The following DIABLO variants were observed in gnomAD, a reference collection of about 807,000 sequenced individuals.
DIABLO encodes the protein diablo IAP-binding mitochondrial protein.
A neutral mutation model predicts 31.7 loss-of-function variants in DIABLO; 32 were observed. The observed-to-expected ratio is 1.01, with a 90% confidence interval of 0.76 to 1.35. The LOEUF is 1.35. Ranked by LOEUF, DIABLO falls within the 40% of genes most tolerant of loss-of-function variation. The pLI, the probability that DIABLO is intolerant of heterozygous loss-of-function variation, is 0.00. For synonymous variants in DIABLO, 132 were observed against 103.2 expected (o/e 1.28, Z -1.69); for missense variants, 316 against 286.4 (o/e 1.10, Z -0.75).
chr12:122,224,642 T>A lies in DIABLO; in HGVS notation c.53A>T (p.Tyr18Phe). The A allele has an allele frequency of 6.2e-7, 1 of 1,614,184 alleles. No homozygotes were observed. The highest frequency in any genetic ancestry group is 8.5e-7 in the Non-Finnish European group (1 of 1,180,034). Reference protein sequence around the residue: ...LSRSVTSFFRYRQCLCVPVVA... With the variant: ...LSRSVTSFFRFRQCLCVPVVA... ...AACAGGAACACACAAACACTGTCTG[T>A]ACCTGGAAGTAGAAGTCAGATTTCA... The change falls in exon 2 of 6, where the codon TAC (tyrosine) becomes TTC (phenylalanine). Residue 18 changes from tyrosine (Y) to phenylalanine (F), a missense_variant and splice_region_variant. Transcript: ENST00000464942.
intron 5 of DIABLO, among the ~76,000 whole-genome samples, chr12:122,212,405 T>A (rs918704431): frequency 1.3e-5 from 2 of 152,158 alleles, no homozygotes; most frequent in Non-Finnish European, 2.9e-5. Flanking sequence ...GTACTTTGAG[T>A]CTATGTCTGA....
At chr12:122,226,886 G>GT (rs1174034470), upstream of DIABLO, among the ~76,000 whole-genome samples, 1 of 152,220 alleles carries the variant, frequency 6.6e-6, no homozygotes, top group Non-Finnish European at 1.5e-5. Context: ...TTTTAATGCT[G>GT]TGAGTGCCGC....
At chr12:122,209,855 A>C (rs929495633) in intron 5 of DIABLO, 24 of 701,482 alleles carry the variant, frequency 3.4e-5, no homozygotes, top group Non-Finnish European at 5.5e-5. Context: ...CGATGAAAAC[A>C]CTTCTGAAAG....
intron 2 of DIABLO, among the ~76,000 whole-genome samples, chr12:122,218,933 TAA>T (rs1193774146): frequency 5.6e-3 from 509 of 91,392 alleles, no homozygotes; most frequent in African/African-American, 0.019. Flanking sequence ...AGAGCAAGAC[TAA>T]AAAAAAAAAA....
Position 122,218,355 on chromosome 12 carries a change from T to TC in DIABLO, c.225dup (p.Arg76GlufsTer9). ...CTATCTGTTACCAAAGACACTGCTCTCCTCATCAATGCTTCACTACTAAGG... is the reference window on the plus strand; with the variant it reads ...CTATCTGTTACCAAAGACACTGCTCTCCCTCATCAATGCTTCACTACTAAGG... On this transcript the variant is annotated frameshift_variant, in exon 3 of 6. Transcript: ENST00000464942. LOFTEE classifies it high-confidence loss of function. 8 of 1,614,144 alleles carry TC rather than the reference T, an allele frequency of 5.0e-6. No individual in the cohort carries two copies. The highest frequency in any genetic ancestry group is 6.8e-6 in the Non-Finnish European group (8 of 1,180,002).
At position 122,224,568 on chromosome 12, in the gene DIABLO, G is replaced by A. The variant is rs767081177; in HGVS notation, c.127C>T (p.His43Tyr). Reference protein sequence around the residue: ...RCFSELIRPWHKTVTIGFGVT... With the variant: ...RCFSELIRPWYKTVTIGFGVT... ...CCAAAGCCAATCGTCACAGTTTTGTGCCATGGTCTTATCAATTCTGAGAAA... is the reference window on the plus strand; with the variant it reads ...CCAAAGCCAATCGTCACAGTTTTGTACCATGGTCTTATCAATTCTGAGAAA... Residue 43 changes from histidine (H) to tyrosine (Y), a missense_variant, in exon 2 of 6, where the codon CAC becomes TAC. Coordinates refer to ENST00000464942, the MANE Select transcript of DIABLO (RefSeq NM_001371333.1). 3 of 1,613,880 alleles carry A rather than the reference G, an allele frequency of 1.9e-6. No individual in the cohort carries two copies. Among genetic ancestry groups the A allele is most frequent in the Non-Finnish European group, 1.7e-6 (2 of 1,180,004 alleles).
chr12:122,227,044 C>T (rs898111842), upstream of DIABLO, among the ~76,000 whole-genome samples: 1 of 152,218 alleles, frequency 6.6e-6, no homozygotes, highest in Middle Eastern at 3.2e-3. Flanking sequence ...AGTCCCCTGG[C>T]CCCAAGGCTT....
rs1953966057 is a variant in DIABLO at position 122,207,959 on chromosome 12, CCT to C, written c.*420_*421del. On this transcript the variant is annotated 3_prime_UTR_variant, in exon 6 of 6. Coordinates refer to ENST00000464942, the MANE Select transcript of DIABLO (RefSeq NM_001371333.1). ...TACAAACTGGACAGGTTCCCCTCCCCCTGCCACAACTGGCATCCCAACAGAGG... is the reference window on the plus strand; with the variant it reads ...TACAAACTGGACAGGTTCCCCTCCCCGCCACAACTGGCATCCCAACAGAGG... The C allele has an allele frequency of 2.1e-6, 1 of 466,516 alleles. No individual in the cohort carries two copies. The highest frequency in any genetic ancestry group is 4.2e-6 in the Non-Finnish European group (1 of 235,672). The allele number at this position is 466,516 out of a possible 1,614,324, so 28.9% of individuals were successfully genotyped here. A position where few individuals can be genotyped will look rare whatever the true frequency, so the allele number is the denominator to read the frequency against.
intron 2 of DIABLO, chr12:122,221,965 G>A (rs1476547116): frequency 6.6e-6 from 1 of 152,194 alleles, no homozygotes; most frequent in Admixed American, 6.5e-5. Context: ...GGCACAGTAA[G>A]GTGAGGGCTC....
intron 5 of DIABLO, among the ~76,000 whole-genome samples, chr12:122,211,750 A>G (rs926770208): frequency 1.3e-5 from 2 of 152,136 alleles, no homozygotes; most frequent in African/African-American, 2.4e-5. Flanking sequence ...TTGACCTGCA[A>G]GCGTGCTCAG....
In DIABLO at chr12:122,225,564, G is replaced by A. The variant is rs964190740; in HGVS notation, c.50+401C>T. ...GCGCTAGGTAGAGAGCCCTGCGCCA[G>A]CTCCCCCGGCCCCTTCTGCCCTCGG... On this transcript the variant is annotated intron_variant, in intron 1 of 5. Transcript: ENST00000464942. 2.6e-6 allele frequency: 3 copies of A among 1,165,178 alleles called. No individual in the cohort carries two copies. The South Asian group carries it at 5.7e-5, about 22-fold the overall frequency. The allele number at this position is 1,165,178 out of a possible 1,614,324, so 72.2% of individuals were successfully genotyped here. A position where few individuals can be genotyped will look rare whatever the true frequency, so the allele number is the denominator to read the frequency against.
At chr12:122,211,009 C>T (rs1954074185) in intron 5 of DIABLO, among the ~76,000 whole-genome samples, 1 of 140,098 alleles carries the variant, frequency 7.1e-6, no homozygotes, top group Non-Finnish European at 1.5e-5. Context: ...GATCCCACCA[C>T]AGCATTCCCG....
intron 5 of DIABLO, among the ~76,000 whole-genome samples, chr12:122,209,425 A>G (rs1954026435): frequency 6.6e-6 from 1 of 151,892 alleles, no homozygotes; most frequent in Non-Finnish European, 1.5e-5. Flanking sequence ...GCACTTTGGG[A>G]TGCCGAGGTG....
chr12:122,223,433 TAAA>T (rs34214105), intron 2 of DIABLO, among the ~76,000 whole-genome samples: 47 of 139,974 alleles, frequency 3.4e-4, no homozygotes, highest in African/African-American at 1.3e-3. Context: ...ACTCTGTCTT[TAAA>T]AAAAAAAAAA....
At chr12:122,213,608 T>TTTCTCCTTCTAGATA (rs1336378429) in intron 5 of DIABLO, among the ~76,000 whole-genome samples, 1 of 152,076 alleles carries the variant, frequency 6.6e-6, no homozygotes, top group Non-Finnish European at 1.5e-5. Context: ...ATCCCCTCCT[T>TTTCTCCTTCTAGATA]TTCTCCTTCT....
At chr12:122,225,924 C>T (rs1954455364) in intron 1 of DIABLO, 41 bp downstream of exon 1, 1 of 1,563,746 alleles carries the variant, frequency 6.4e-7, no homozygotes, top group South Asian at 1.2e-5. Context: ...GCGTCGGTCC[C>T]TCCCTCTGGT....
In DIABLO at chr12:122,218,387, G is replaced by A; in HGVS notation, c.194C>T (p.Pro65Leu). 1.9e-6 allele frequency: 3 copies of A among 1,614,096 alleles called. No individual in the cohort carries two copies. Among genetic ancestry groups the A allele is most frequent in the Non-Finnish European group, 2.5e-6 (3 of 1,180,018 alleles). The change falls in exon 3 of 6, where the codon CCT becomes CTT. Residue 65 changes from proline to leucine, a missense_variant. Coordinates refer to ENST00000464942, the MANE Select transcript of DIABLO (RefSeq NM_001371333.1). The stretch of plus-strand genomic sequence containing the variant: ...CAATGCTTCACTACTAAGGGAATGA[G>A]GCTCTGATTTCTGAAAGACACAAAC... ...CAVPIAQKSEPHSLSSEALMR... is the reference protein window; with the variant it reads ...CAVPIAQKSELHSLSSEALMR...
intron 2 of DIABLO, chr12:122,222,050 C>T (rs896801582): frequency 6.6e-6 from 1 of 152,114 alleles, no homozygotes; most frequent in Non-Finnish European, 1.5e-5. Context: ...TGAACACACA[C>T]GTTAAGTGGC....
intron 3 of DIABLO, 106 bp from the exon 4 acceptor site, chr12:122,216,975 C>T: frequency 2.3e-6 from 2 of 870,794 alleles, no homozygotes. Context: ...AGCAAACTGG[C>T]TCTTCCATCC....
Sources: gnomAD v4.1 joint callset for allele counts (sites outside exome capture counted in the v4.1 genomes callset) on GRCh38, gnomAD v4.1.1 for gene constraint, MANE v1.5 for transcripts, NCBI Gene and HGNC (gene_info 2026-07-23, HGNC 2026-07-21) for gene names.